QPCT: variants seen among roughly 807,000 people sequenced by gnomAD.
QPCT encodes EC.
A neutral mutation model predicts 43.4 loss-of-function variants in QPCT; 44 were observed. That is an observed-to-expected ratio of 1.01 (90% CI 0.80 to 1.30). QPCT has a LOEUF of 1.30. Ranked by LOEUF, QPCT falls within the 50% of genes most tolerant of loss-of-function variation. The probability of loss-of-function intolerance (pLI) is 0.00; values close to 1 mark genes in which losing one functional copy is unlikely to be tolerated. For synonymous variants in QPCT, 168 were observed against 168.4 expected (o/e 1.00, Z 0.02); for missense variants, 526 against 436.5 (o/e 1.21, Z -1.83).
intron 3 of QPCT, among the ~76,000 whole-genome samples, chr2:37,366,646 A>C (rs1193893346): frequency 6.6e-6 from 1 of 152,188 alleles, no homozygotes; most frequent in East Asian, 1.9e-4. Flanking sequence ...CAGGTCACTT[A>C]TTAGGGAGTG....
At chr2:37,368,555 A>C (rs1254224741) in intron 4 of QPCT, 2 of 470,862 alleles carry the variant, frequency 4.2e-6, no homozygotes, top group Non-Finnish European at 8.8e-6. Flanking sequence ...ATAAAAGTAC[A>C]AATGGTCACA....
At chr2:37,366,667 A>G (rs930702603) in intron 3 of QPCT, among the ~76,000 whole-genome samples, 3 of 152,212 alleles carry the variant, frequency 2.0e-5, no homozygotes, top group African/African-American at 7.2e-5. Flanking sequence ...GCCTTGGATC[A>G]ACACAGGTAT....
Position 37,369,728 on chromosome 2 carries a change from C to T in QPCT, c.767C>T (p.Thr256Met), listed in dbSNP as rs750310275. ...GATTTGATTGGAGCTCCAAACCCAA[C>T]GTTTCCCAATTTTTTTCCAAACTCA... ...LLDLIGAPNPTFPNFFPNSAR... is the reference protein window; with the variant it reads ...LLDLIGAPNPMFPNFFPNSAR... Residue 256 changes from threonine (T) to methionine (M), a missense_variant, in exon 5 of 7, where the codon ACG becomes ATG. By Grantham distance (81) the Thr-to-Met change is moderately conservative. Coordinates refer to ENST00000338415, the MANE Select transcript of QPCT (RefSeq NM_012413.4). The T allele has an allele frequency of 6.2e-5, 100 of 1,609,448 alleles. No individual in the cohort carries two copies. Among genetic ancestry groups the T allele is most frequent in the East Asian group, 2.7e-4 (12 of 44,866 alleles).
chr2:37,347,196 TATATATATAAC>T (rs1672517868), intron 1 of QPCT, among the ~76,000 whole-genome samples: 2 of 62,768 alleles, frequency 3.2e-5, no homozygotes, highest in African/African-American at 1.4e-4. Flanking sequence ...ATATATAACA[TATATATATAAC>T]ATATATATAA....
At chr2:37,359,926 A>C in intron 3 of QPCT, 68 bp downstream of exon 3, 15 of 1,503,178 alleles carry the variant, frequency 1.0e-5, no homozygotes, top group Non-Finnish European at 1.4e-5. Context: ...TGAATTCTAG[A>C]ATCCTTGGAG....
At position 37,351,927 on chromosome 2, in the gene QPCT, G is replaced by C. The variant is rs139370971; in HGVS notation, c.121-862G>C. On this transcript the variant is annotated intron_variant, in intron 1 of 6. Transcript: ENST00000338415. ...GAAATAATGACTCAGCTACTCAGGA[G>C]ACTGAGGTGGGAGGATTGCTTGAGC... Among the ~76,000 whole-genome samples the C allele has an allele frequency of 7.2e-5, 11 of 151,826 alleles. No individual in the cohort carries two copies. In the East Asian group the frequency reaches 2.1e-3, roughly 30 times the overall value.
intron 3 of QPCT, among the ~76,000 whole-genome samples, chr2:37,363,657 T>C (rs1004951736): frequency 1.8e-5 from 1 of 56,400 alleles, no homozygotes; most frequent in Admixed American, 1.7e-4. Flanking sequence ...TTTTTTAAAA[T>C]GTAAAAAAAA....
chr2:37,356,722 G>T (rs1336470692), intron 2 of QPCT, among the ~76,000 whole-genome samples: 2 of 152,146 alleles, frequency 1.3e-5, no homozygotes, highest in Non-Finnish European at 2.9e-5. Context: ...CAAAAAAGTT[G>T]CGGGGCTGGG....
intron 2 of QPCT, among the ~76,000 whole-genome samples, chr2:37,353,791 A>T (rs1298361075): frequency 2.0e-5 from 3 of 152,216 alleles, no homozygotes; most frequent in Non-Finnish European, 4.4e-5. Flanking sequence ...CCTCTTCTGA[A>T]ACTCCTCAGG....
intron 1 of QPCT, among the ~76,000 whole-genome samples, chr2:37,346,014 C>T (rs984951318): frequency 2.6e-5 from 4 of 152,072 alleles, no homozygotes; most frequent in South Asian, 2.1e-4. Context: ...CAAAGTGAAG[C>T]GATATAAACT....
intron 5 of QPCT, among the ~76,000 whole-genome samples, chr2:37,370,188 A>T (rs1408097973): frequency 2.0e-5 from 3 of 152,150 alleles, no homozygotes; most frequent in Admixed American, 6.5e-5. Flanking sequence ...CCATCTCAAA[A>T]AAGAAAAAAA....
At chr2:37,345,914 G>A (rs949967293) in intron 1 of QPCT, among the ~76,000 whole-genome samples, 5 of 151,752 alleles carry the variant, frequency 3.3e-5, no homozygotes, top group African/African-American at 9.7e-5. Flanking sequence ...TTGTGTAACA[G>A]TTTTGAAATC....
chr2:37,367,254 A>G lies in QPCT; in HGVS notation c.569A>G (p.Asp190Gly), dbSNP rs1236378372. ...SLKTVSDSKP[D>G]LSLQLIFFDG... ...CAGACTGTTTCAGACTCCAAGCCAG[A>G]TTTGTCACTCCAGCTGATCTTCTTT... The change falls in exon 4 of 7, where the codon GAT becomes GGT. Residue 190 changes from aspartate to glycine, a missense_variant. By Grantham distance (94) the Asp-to-Gly change is moderately conservative. Coordinates refer to ENST00000338415, the MANE Select transcript of QPCT (RefSeq NM_012413.4). 1 of 1,613,692 alleles carries G rather than the reference A, an allele frequency of 6.2e-7. No homozygotes were observed. The highest frequency in any genetic ancestry group is 1.1e-5 in the South Asian group (1 of 91,012).
chr2:37,350,266 C>A (rs75415528), intron 1 of QPCT, among the ~76,000 whole-genome samples: 7,734 of 152,226 alleles, frequency 0.051, 623 homozygotes, highest in African/African-American at 0.17. Flanking sequence ...GGGGGGAGAC[C>A]AGACAGGCTT....
At chr2:37,348,038 A>ATCTCTCTC (rs56107736) in intron 1 of QPCT, among the ~76,000 whole-genome samples, 38 of 150,630 alleles carry the variant, frequency 2.5e-4, no homozygotes, top group East Asian at 3.9e-4. Context: ...TTTTATTTCT[A>ATCTCTCTC]TCTCTCTCTC....
intron 1 of QPCT, among the ~76,000 whole-genome samples, chr2:37,349,123 G>T (rs1444362181): frequency 6.6e-6 from 1 of 152,168 alleles, no homozygotes; most frequent in East Asian, 1.9e-4. Context: ...GAGTGTAGTT[G>T]GTTGTTTCCT....
At chr2:37,364,882 GTA>G (rs1178137847) in intron 3 of QPCT, among the ~76,000 whole-genome samples, 24 of 151,668 alleles carry the variant, frequency 1.6e-4, no homozygotes, top group African/African-American at 5.8e-4. Flanking sequence ...ATATTTACAT[GTA>G]TGTGTGTGTT....
At chr2:37,346,324 G>A (rs1194189824) in intron 1 of QPCT, among the ~76,000 whole-genome samples, 1 of 152,184 alleles carries the variant, frequency 6.6e-6, no homozygotes, top group East Asian at 1.9e-4. Context: ...CCATGAAGAA[G>A]AACGTGGAAT....
At chr2:37,361,651 A>C (rs1672859997) in intron 3 of QPCT, among the ~76,000 whole-genome samples, 2 of 152,238 alleles carry the variant, frequency 1.3e-5, no homozygotes, top group African/African-American at 2.4e-5. Flanking sequence ...CTGACTGCAC[A>C]GTGAAGCAGA....
Sources: allele counts gnomAD v4.1 joint callset (sites outside exome capture counted in the v4.1 genomes callset), GRCh38; gene constraint gnomAD v4.1.1; transcripts MANE v1.5; gene names NCBI Gene and HGNC (gene_info 2026-07-23, HGNC 2026-07-21).